Variants in PPP2R3B observed in about 807,000 individuals in gnomAD.
PPP2R3B encodes protein phosphatase 2 regulatory subunit B''beta.
PPP2R3B carries 68 observed loss-of-function variants against 72.9 expected under a neutral mutation model. The observed-to-expected ratio is 0.93, with a 90% confidence interval of 0.77 to 1.14. The LOEUF (loss-of-function observed/expected upper bound fraction) is 1.14, where lower values mean the gene tolerates loss of function less well. Ranked by LOEUF, PPP2R3B falls within the 50% of genes most tolerant of loss-of-function variation. The probability of loss-of-function intolerance (pLI) is 0.00; values close to 1 mark genes in which losing one functional copy is unlikely to be tolerated. For synonymous variants in PPP2R3B, 466 were observed against 375.8 expected (o/e 1.24, Z -2.78); for missense variants, 1,018 against 842.0 (o/e 1.21, Z -2.59).
At chrX:347,921 G>A (rs2071257596) in intron 2 of PPP2R3B, 2 of 523,726 alleles carry the variant, frequency 3.8e-6, no homozygotes, top group Non-Finnish European at 6.7e-6. Context: ...AGTATCCCCT[G>A]ACCACAGACC....
At chrX:349,943 C>G (rs1339319535) in intron 2 of PPP2R3B, among the ~76,000 whole-genome samples, 1 of 152,158 alleles carries the variant, frequency 6.6e-6, no homozygotes, top group Non-Finnish European at 1.5e-5. Context: ...GATCCCCACC[C>G]ACAGAGTCCA....
In PPP2R3B at chrX:361,600, C is replaced by G. The variant is rs73178045; in HGVS notation, c.325-10G>C. 9.3e-6 allele frequency: 15 copies of G among 1,612,938 alleles called. No homozygotes were observed. The Admixed American group carries it at 1.2e-4, about 13-fold the overall frequency. ...CTTTCCGTGTCTGAACCTGAAGAGT[C>G]GACAGACAGCGCTCAGTTAGAACCT... On this transcript the variant is annotated splice_polypyrimidine_tract_variant and intron_variant, in intron 1 of 12. Transcript: ENST00000390665.
chrX:370,121 ACAG>A (rs1173080596), intron 1 of PPP2R3B, among the ~76,000 whole-genome samples: 27 of 152,310 alleles, frequency 1.8e-4, no homozygotes, highest in African/African-American at 6.0e-4. Context: ...ACGGCTAAAC[ACAG>A]GAGTCAAAAA....
intron 1 of PPP2R3B, among the ~76,000 whole-genome samples, chrX:381,531 A>C (rs1324030908): frequency 1.3e-5 from 2 of 150,886 alleles, no homozygotes; most frequent in Admixed American, 1.3e-4. Context: ...ATGGAACTGC[A>C]TCCTTCACTG....
chrX:337,207 A>G (rs962327409), intron 12 of PPP2R3B: 2 of 151,854 alleles, frequency 1.3e-5, no homozygotes, highest in African/African-American at 4.8e-5. Context: ...CAGCCTCCCG[A>G]GTAGCTGGGA....
Position 341,391 on chromosome X carries a change from C to T in PPP2R3B, c.1091G>A (p.Arg364Lys), listed in dbSNP as rs1223965419. The T allele has an allele frequency of 6.2e-7, 1 of 1,612,654 alleles. No homozygotes were observed. The highest frequency in any genetic ancestry group is 1.1e-5 in the South Asian group (1 of 91,078). ...GATCTTCCCTTCCTTCTGCACTTTTCTGCCTCTAGATCGAAAGCCAGGATG... is the reference window on the plus strand; with the variant it reads ...GATCTTCCCTTCCTTCTGCACTTTTTTGCCTCTAGATCGAAAGCCAGGATG... ...RIFSGAVTRG[R>K]KVQKEGKISY... is the part of the protein sequence containing the mutation. The change falls in exon 9 of 13, where the codon AGA becomes AAA. Residue 364 changes from arginine to lysine, a missense_variant. Transcript: ENST00000390665.
chrX:352,792 C>T (rs2071357679), intron 2 of PPP2R3B, among the ~76,000 whole-genome samples: 1 of 151,706 alleles, frequency 6.6e-6, no homozygotes, highest in African/African-American at 2.4e-5. Flanking sequence ...AAGTTCAGCA[C>T]GCGTTCCTCG....
rs757188042 is a variant in PPP2R3B, at chrX:346,804, G to GTGTA, written c.718-33_718-30dup. 1.9e-6 allele frequency: 3 copies of GTGTA among 1,592,262 alleles called. No homozygotes were observed. In the African/African-American group the frequency reaches 4.1e-5, roughly 22 times the overall value. On this transcript the variant is annotated intron_variant, in intron 4 of 12. Transcript: ENST00000390665. ...CGGGTGGGAAGACACGAGGCGCGTG[G>GTGTA]TGTAGACGCCGGCCCTCCCGTGAGG...
intron 1 of PPP2R3B, among the ~76,000 whole-genome samples, chrX:372,110 G>C (rs1477309902): frequency 6.6e-6 from 1 of 152,052 alleles, no homozygotes; most frequent in Non-Finnish European, 1.5e-5. Context: ...TTGACTCTGC[G>C]ACCAGCGAGC....
At chrX:344,548 C>G (rs774437455) in intron 7 of PPP2R3B, among the ~76,000 whole-genome samples, 1 of 152,228 alleles carries the variant, frequency 6.6e-6, no homozygotes, top group Non-Finnish European at 1.5e-5. Context: ...TCCAGAGGAA[C>G]GCGGAAAGCT....
chrX:375,988 T>A (rs1428572979), intron 1 of PPP2R3B, among the ~76,000 whole-genome samples: 2 of 152,090 alleles, frequency 1.3e-5, no homozygotes, highest in Non-Finnish European at 2.9e-5. Context: ...GGTCAGGAGT[T>A]CGAGACCAGC....
rs1437861142 is a variant in PPP2R3B, at chrX:345,485, G to A, written c.1036+31C>T. ...AGAGAAGGGTGTGCTCGGTGTCCGC[G>A]CGGCCCGCCCGCCCCTGTGCCCCCA... On this transcript the variant is annotated intron_variant, in intron 7 of 12. Transcript: ENST00000390665. 3.7e-6 allele frequency: 6 copies of A among 1,611,284 alleles called. No individual in the cohort carries two copies. In the African/African-American group the frequency reaches 4.0e-5, roughly 11 times the overall value.
chrX:386,604 G>T lies in PPP2R3B; in HGVS notation c.88C>A (p.Arg30=). The T allele has an allele frequency of 6.9e-7, 1 of 1,448,426 alleles. No homozygotes were observed. 89.7% of individuals were successfully genotyped at this position (1,448,426 alleles called of 1,614,324 possible). A position where few individuals can be genotyped will look rare whatever the true frequency, so the allele number is the denominator to read the frequency against. Residue 30 remains arginine, a synonymous_variant, in exon 1 of 13, where the codon CGG becomes AGG. Transcript: ENST00000390665. ...LYWLSEASTQ[R]MLQDCLRRIK... ...CGGCGCAGGCAGTCCTGCAGCATCC[G>T]CTGCGTGCTGGCCTCGCTGAGCCAG...
Position 361,723 on chromosome X carries a change from T to G in PPP2R3B, c.325-133A>C, listed in dbSNP as rs1016591654. ...TGATCCCAGCCGGGAGAGGACACACTGCAATCCCTGCGGGGGACCACACAC... is the reference window on the plus strand; with the variant it reads ...TGATCCCAGCCGGGAGAGGACACACGGCAATCCCTGCGGGGGACCACACAC... On this transcript the variant is annotated intron_variant, in intron 1 of 12. Transcript: ENST00000390665. 9.2e-6 allele frequency: 9 copies of G among 979,034 alleles called. No homozygotes were observed. In the African/African-American group the frequency reaches 1.3e-4, roughly 14 times the overall value. 60.6% of individuals were successfully genotyped at this position (979,034 alleles called of 1,614,324 possible). A position where few individuals can be genotyped will look rare whatever the true frequency, so the allele number is the denominator to read the frequency against.
At chrX:347,084 G>GC (rs2071234990) in intron 4 of PPP2R3B, 150 bp downstream of exon 4, 4 of 946,502 alleles carry the variant, frequency 4.2e-6, no homozygotes, top group East Asian at 5.0e-5. Flanking sequence ...GTAGACGCGG[G>GC]CCCTCCCATG....
At chrX:347,872 A>G (rs953320242) in intron 2 of PPP2R3B, 179 bp from the exon 3 acceptor site, 6 of 577,196 alleles carry the variant, frequency 1.0e-5, no homozygotes, top group South Asian at 4.6e-5. Flanking sequence ...CCAGCCTTCA[A>G]TCAGTCATGA....
chrX:372,790 C>T (rs1458649371), intron 1 of PPP2R3B, among the ~76,000 whole-genome samples: 5 of 152,062 alleles, frequency 3.3e-5, no homozygotes, highest in Non-Finnish European at 7.4e-5. Flanking sequence ...AAACCCCGTC[C>T]CTACTAAAAA....
intron 5 of PPP2R3B, 83 bp downstream of exon 5, chrX:346,618 C>G: frequency 7.4e-7 from 1 of 1,358,828 alleles, no homozygotes; most frequent in Non-Finnish European, 1.0e-6. Flanking sequence ...CCGCCCGCCC[C>G]GTCCGCAGAA....
chrX:364,460 G>A (rs1405847084), intron 1 of PPP2R3B, among the ~76,000 whole-genome samples: 1 of 148,350 alleles, frequency 6.7e-6, no homozygotes, highest in Non-Finnish European at 1.5e-5. Context: ...TCTGAGCTGA[G>A]GAGTTCAAGA....
Sources: allele counts gnomAD v4.1 joint callset (sites outside exome capture counted in the v4.1 genomes callset), GRCh38; gene constraint gnomAD v4.1.1; transcripts MANE v1.5; gene names NCBI Gene and HGNC (gene_info 2026-07-23, HGNC 2026-07-21).